Variants in SCHIP1 observed in about 807,000 individuals in gnomAD.
SCHIP1 encodes schwannomin interacting protein 1.
In SCHIP1, 8 loss-of-function variants were observed where a neutral mutation model predicts 29.7. That is an observed-to-expected ratio of 0.27 (90% CI 0.16 to 0.49). The LOEUF (loss-of-function observed/expected upper bound fraction) is 0.49, where lower values mean the gene tolerates loss of function less well. Among genes scored for constraint, SCHIP1 ranks in the 20% least tolerant of loss-of-function variants. SCHIP1 has a pLI of 0.99. For synonymous variants in SCHIP1, 76 were observed against 94.9 expected, an observed-to-expected ratio of 0.80 and a Z score of 1.16; for missense variants, 193 against 294.6, an observed-to-expected ratio of 0.66 and a Z score of 2.52.
the SCHIP1 span, among the ~76,000 whole-genome samples, chr3:159,625,001 T>C: frequency 6.6e-6 from 1 of 152,162 alleles, no homozygotes; most frequent in African/African-American, 2.4e-5. Context: ...AAGGAGCCAC[T>C]ACAGGAAAGG....
At chr3:159,437,338 C>T in the SCHIP1 span, among the ~76,000 whole-genome samples, 4 of 152,230 alleles carry the variant, frequency 2.6e-5, no homozygotes, top group South Asian at 2.1e-4. Context: ...AATCCTTCTG[C>T]GATCATCCTC....
chr3:159,500,646 A>C, the SCHIP1 span, among the ~76,000 whole-genome samples: 1 of 151,844 alleles, frequency 6.6e-6, no homozygotes, highest in Admixed American at 6.6e-5. Flanking sequence ...CCTGGGAGGC[A>C]GAGCTTGCAG....
At chr3:159,680,807 G>A in the SCHIP1 span, among the ~76,000 whole-genome samples, 1 of 123,876 alleles carries the variant, frequency 8.1e-6, no homozygotes, top group African/African-American at 2.9e-5. Context: ...TATTCTTTGG[G>A]GTTTTACCCA....
chr3:159,468,777 A>ATATATATATT, the SCHIP1 span, among the ~76,000 whole-genome samples: 58 of 127,330 alleles, frequency 4.6e-4, no homozygotes, highest in African/African-American at 6.1e-4. Context: ...ATATATATAT[A>ATATATATATT]TTTTTTTTAG....
intron 6 of SCHIP1, among the ~76,000 whole-genome samples, chr3:159,896,471 AAAGTAGTAAT>A (rs1469832014): frequency 2.0e-5 from 3 of 152,228 alleles, no homozygotes; most frequent in African/African-American, 7.2e-5. Flanking sequence ...TTTCTTCTTA[AAAGTAGTAAT>A]GTCTAAAAGT....
At chr3:159,428,272 G>C in the SCHIP1 span, among the ~76,000 whole-genome samples, 1 of 151,944 alleles carries the variant, frequency 6.6e-6, no homozygotes, top group East Asian at 1.9e-4. Flanking sequence ...TACAAAATGG[G>C]AGAAAATTTT....
chr3:159,380,793 T>C, the SCHIP1 span, among the ~76,000 whole-genome samples: 1 of 152,166 alleles, frequency 6.6e-6, no homozygotes, highest in South Asian at 2.1e-4. Context: ...ACATAGCTAG[T>C]AATTAGCACA....
At chr3:159,885,823 C>T (rs1716908260) in intron 2 of SCHIP1, among the ~76,000 whole-genome samples, 1 of 152,240 alleles carries the variant, frequency 6.6e-6, no homozygotes, top group Non-Finnish European at 1.5e-5. Context: ...TGATTGTCCC[C>T]CTGGGACGGG....
At chr3:159,373,529 T>C in the SCHIP1 span, among the ~76,000 whole-genome samples, 1 of 151,998 alleles carries the variant, frequency 6.6e-6, no homozygotes, top group Non-Finnish European at 1.5e-5. Context: ...TCCAAGAAAA[T>C]AGAGACTTTG....
the SCHIP1 span, among the ~76,000 whole-genome samples, chr3:159,290,787 T>A: frequency 6.6e-6 from 1 of 152,148 alleles, no homozygotes; most frequent in East Asian, 1.9e-4. Flanking sequence ...TTTACAGTGT[T>A]TTAATTTATA....
At chr3:159,635,224 C>T in the SCHIP1 span, among the ~76,000 whole-genome samples, 5 of 152,140 alleles carry the variant, frequency 3.3e-5, no homozygotes, top group Non-Finnish European at 5.9e-5. Flanking sequence ...TTCACAACCA[C>T]AACTGCCCAG....
chr3:159,712,498 C>T, the SCHIP1 span, among the ~76,000 whole-genome samples: 1 of 151,656 alleles, frequency 6.6e-6, no homozygotes, highest in Non-Finnish European at 1.5e-5. Flanking sequence ...AGGAGGATCA[C>T]TTGAGCCCAG....
At chr3:159,653,070 G>A in the SCHIP1 span, among the ~76,000 whole-genome samples, 1 of 152,116 alleles carries the variant, frequency 6.6e-6, no homozygotes, top group Non-Finnish European at 1.5e-5. Flanking sequence ...CAGTTTGAGA[G>A]GAAATAAGAT....
the SCHIP1 span, among the ~76,000 whole-genome samples, chr3:159,544,946 T>C: frequency 6.6e-6 from 1 of 152,260 alleles, no homozygotes; most frequent in South Asian, 2.1e-4. Context: ...TGTTCTATGT[T>C]ACATTCTAGA....
intron 1 of SCHIP1, among the ~76,000 whole-genome samples, chr3:159,845,111 A>G (rs1711606122): frequency 6.6e-6 from 1 of 152,174 alleles, no homozygotes; most frequent in Non-Finnish European, 1.5e-5. Flanking sequence ...TTCTCGCTCC[A>G]GACCCTTTAC....
chr3:159,750,660 C>T, the SCHIP1 span, among the ~76,000 whole-genome samples: 1 of 152,100 alleles, frequency 6.6e-6, no homozygotes, highest in African/African-American at 2.4e-5. Context: ...TAAACACTCA[C>T]AGCAGCTGGG....
the SCHIP1 span, among the ~76,000 whole-genome samples, chr3:159,588,532 C>A: frequency 6.6e-6 from 1 of 152,172 alleles, no homozygotes; most frequent in African/African-American, 2.4e-5. Flanking sequence ...GACATGAAGT[C>A]CTTGCCCATG....
chr3:159,679,010 C>T, the SCHIP1 span, among the ~76,000 whole-genome samples: 47 of 152,122 alleles, frequency 3.1e-4, no homozygotes, highest in Non-Finnish European at 5.0e-4. Context: ...GGACCCAGAG[C>T]CAAACCACAT....
At chr3:159,556,979 A>G in the SCHIP1 span, among the ~76,000 whole-genome samples, 6 of 150,778 alleles carry the variant, frequency 4.0e-5, no homozygotes, top group African/African-American at 1.5e-4. Context: ...TTTTTTGGAG[A>G]TAGAGTCTTG....
Sources: allele counts gnomAD v4.1 joint callset (sites outside exome capture counted in the v4.1 genomes callset), GRCh38; gene constraint gnomAD v4.1.1; transcripts MANE v1.5; gene names NCBI Gene and HGNC (gene_info 2026-07-23, HGNC 2026-07-21).